The following NIBAN2 variants were observed in gnomAD, a reference collection of about 807,000 sequenced individuals.
NIBAN2 encodes the protein niban apoptosis regulator 2, also known as protein Niban 2.
In NIBAN2, 36 loss-of-function variants were observed where a neutral mutation model predicts 81.8. The observed-to-expected ratio is 0.44, with a 90% CI of 0.34 to 0.58. The LOEUF is 0.58. Ranked by LOEUF, NIBAN2 falls within the 20% of genes least tolerant of loss-of-function variation. The probability of loss-of-function intolerance (pLI) is 0.02; values close to 1 mark genes in which losing one functional copy is unlikely to be tolerated. For synonymous variants in NIBAN2, 445 were observed against 441.6 expected, an observed-to-expected ratio of 1.01 and a Z score of -0.10; for missense variants, 897 against 1,014.1, an observed-to-expected ratio of 0.88 and a Z score of 1.57.
intron 1 of NIBAN2, among the ~76,000 whole-genome samples, chr9:127,547,731 G>A (rs997580572): frequency 4.0e-5 from 6 of 151,790 alleles, no homozygotes; most frequent in Non-Finnish European, 7.4e-5. Flanking sequence ...TAGCTACTCA[G>A]GAGGCTGAGG....
In NIBAN2 at chr9:127,568,800, TG is replaced by T; in HGVS notation, c.55+19del. On this transcript the variant is annotated intron_variant, in intron 1 of 13. Transcript: ENST00000373312. ...GTTCCGGCAGGCCCCTGGGCGCGCG[TG>T]GCGCGGCGCGACCCTCACCTGCGAT... The T allele has an allele frequency of 7.7e-7, 1 of 1,300,296 alleles. No homozygotes were observed. Among genetic ancestry groups the T allele is most frequent in the Non-Finnish European group, 9.8e-7 (1 of 1,024,136 alleles). The allele number at this position is 1,300,296 out of a possible 1,614,324, so 80.5% of individuals were successfully genotyped here.
chr9:127,574,415 C>T (rs111612860), intron 1 of NIBAN2, among the ~76,000 whole-genome samples: 2,233 of 152,194 alleles, frequency 0.015, 56 homozygotes, highest in African/African-American at 0.05. Context: ...GATCCAAGGG[C>T]GAAGAATAAT....
rs555091348 is a variant in NIBAN2 at position 127,567,456 on chromosome 9, C to A, written c.55+1364G>T. Among the ~76,000 whole-genome samples the A allele has an allele frequency of 2.6e-5, 4 of 152,200 alleles. No individual in the cohort carries two copies. The South Asian group carries it at 8.3e-4, about 32-fold the overall frequency. On this transcript the variant is annotated intron_variant, in intron 1 of 13. Transcript: ENST00000373312. ...ATTCATTTTCACATCACCCCAGTCACCCCTGTGCCCAGCCAGCCCCAGGCC... is the reference window on the plus strand; with the variant it reads ...ATTCATTTTCACATCACCCCAGTCAACCCTGTGCCCAGCCAGCCCCAGGCC...
intron 8 of NIBAN2, among the ~76,000 whole-genome samples, chr9:127,513,303 C>G (rs1411455053): frequency 6.6e-6 from 1 of 151,974 alleles, no homozygotes; most frequent in Non-Finnish European, 1.5e-5. Context: ...AGAGGGTAGT[C>G]GAGGGCGAGG....
chr9:127,564,593 T>C (rs117800098), intron 1 of NIBAN2, among the ~76,000 whole-genome samples: 4,448 of 152,118 alleles, frequency 0.029, 97 homozygotes, highest in Middle Eastern at 0.061. Context: ...TTTTTATAGG[T>C]TGGGCGTGGT....
intron 1 of NIBAN2, chr9:127,561,368 G>C (rs1837771543): frequency 1.2e-6 from 1 of 830,156 alleles, no homozygotes; most frequent in Admixed American, 6.2e-5. Context: ...ATCTCCCTGG[G>C]TGTCAAGTTA....
At chr9:127,530,300 T>C (rs1367192814) in intron 2 of NIBAN2, among the ~76,000 whole-genome samples, 1 of 152,196 alleles carries the variant, frequency 6.6e-6, no homozygotes, top group Non-Finnish European at 1.5e-5. Flanking sequence ...CGACACACGG[T>C]CCTGACCTCC....
intron 1 of NIBAN2, among the ~76,000 whole-genome samples, chr9:127,557,215 G>A (rs546631878): frequency 7.2e-4 from 110 of 152,280 alleles, no homozygotes; most frequent in Middle Eastern, 3.4e-3. Flanking sequence ...TGGTCTGTGA[G>A]GGCATTTCAG....
In NIBAN2 at chr9:127,551,722, AAAAG is replaced by A. The variant is rs1372233220; in HGVS notation, c.55+17094_55+17097del. 4.6e-5 allele frequency among the ~76,000 whole-genome samples: 7 copies of A among 152,160 alleles called. No individual in the cohort carries two copies. In the East Asian group the frequency reaches 7.7e-4, roughly 17 times the overall value. On this transcript the variant is annotated intron_variant, in intron 1 of 13. Transcript: ENST00000373312. ...AAGAGCAAAACTCCATCTTAAAAAA[AAAAG>A]AAAGAAAGAAAGAAAAAGAAAAGAA...
chr9:127,564,745 C>T (rs1283028675), intron 1 of NIBAN2, among the ~76,000 whole-genome samples: 8 of 151,778 alleles, frequency 5.3e-5, no homozygotes, highest in Middle Eastern at 3.4e-3. Context: ...TGGTGGTGCA[C>T]GCCTGTAATC....
chr9:127,518,187 C>T (rs1428607576), intron 5 of NIBAN2, among the ~76,000 whole-genome samples: 1 of 152,198 alleles, frequency 6.6e-6, no homozygotes, highest in Non-Finnish European at 1.5e-5. Flanking sequence ...TCCTGAAATC[C>T]TCCCAACCAC....
rs369133096 is a variant in NIBAN2 at position 127,551,410 on chromosome 9, C to T, written c.55+17410G>A. On this transcript the variant is annotated intron_variant, in intron 1 of 13. Transcript: ENST00000373312. Reference sequence around the variant, plus strand: ...CAGTGGTGGGCACCTGTAATCCCAGCTACTTGGGAGGCTGAGGCACGAGAA... The same window carrying T: ...CAGTGGTGGGCACCTGTAATCCCAGTTACTTGGGAGGCTGAGGCACGAGAA... Among the ~76,000 whole-genome samples the T allele has an allele frequency of 1.3e-4, 20 of 152,236 alleles. No homozygotes were observed. In the East Asian group the frequency reaches 1.7e-3, roughly 13 times the overall value.
chr9:127,551,810 A>C (rs1442876136), intron 1 of NIBAN2, among the ~76,000 whole-genome samples: 1 of 152,058 alleles, frequency 6.6e-6, no homozygotes, highest in Non-Finnish European at 1.5e-5. Flanking sequence ...CACAGCACCG[A>C]TCTCTGGGAA....
intron 1 of NIBAN2, among the ~76,000 whole-genome samples, chr9:127,566,812 T>G (rs1305648834): frequency 1.3e-5 from 2 of 151,986 alleles, no homozygotes; most frequent in African/African-American, 4.8e-5. Context: ...ATACACGCCC[T>G]CATTCCCTTC....
At chr9:127,575,416 C>T (rs1564324883) in intron 1 of NIBAN2, among the ~76,000 whole-genome samples, 18 of 151,538 alleles carry the variant, frequency 1.2e-4, no homozygotes, top group Non-Finnish European at 1.5e-5. Context: ...TTAGTAGAGA[C>T]GGGGTTTTAC....
chr9:127,542,945 G>A (rs1341424132), intron 1 of NIBAN2, among the ~76,000 whole-genome samples: 2 of 152,198 alleles, frequency 1.3e-5, no homozygotes, highest in South Asian at 2.1e-4. Flanking sequence ...GGCTGGCCTC[G>A]AACTCCTGAC....
chr9:127,574,117 G>A (rs977253883), intron 1 of NIBAN2, among the ~76,000 whole-genome samples: 1 of 152,220 alleles, frequency 6.6e-6, no homozygotes, highest in African/African-American at 2.4e-5. Flanking sequence ...TCTGGACGCT[G>A]TCTCTATTCA....
intron 1 of NIBAN2, among the ~76,000 whole-genome samples, chr9:127,534,212 G>T (rs1257362754): frequency 6.6e-6 from 1 of 152,222 alleles, no homozygotes; most frequent in Non-Finnish European, 1.5e-5. Flanking sequence ...ATCTCTGACA[G>T]TCTTGGATTC....
At chr9:127,535,618 C>T (rs1027864563) in intron 1 of NIBAN2, among the ~76,000 whole-genome samples, 2 of 152,092 alleles carry the variant, frequency 1.3e-5, no homozygotes, top group African/African-American at 4.8e-5. Flanking sequence ...GCTGAGGGGA[C>T]CCAGGCAAGG....
Sources: allele counts gnomAD v4.1 joint callset (sites outside exome capture counted in the v4.1 genomes callset), GRCh38; gene constraint gnomAD v4.1.1; transcripts MANE v1.5; gene names NCBI Gene and HGNC (gene_info 2026-07-23, HGNC 2026-07-21).